The following ACOT1 variants were observed in gnomAD, a reference collection of about 807,000 sequenced individuals.
ACOT1 encodes the protein acyl-coenzyme A thioesterase 1.
Under a neutral mutation model 15.7 loss-of-function variants are expected in ACOT1, and 8 were observed. The ratio of observed to expected loss-of-function variants is 0.51; its 90% CI spans 0.30 to 0.92. ACOT1 has a LOEUF of 0.92. Among genes scored for constraint, ACOT1 ranks in the 40% least tolerant of loss-of-function variants. ACOT1 has a pLI of 0.06. For missense variants in ACOT1, 151 were observed against 539.4 expected (o/e 0.28, Z 7.13); for synonymous variants, 67 against 241.2 (o/e 0.28, Z 6.69).
At chr14:73,522,827 C>T in the ACOT1 span, 1 of 1,614,088 alleles carries the variant, frequency 6.2e-7, no homozygotes, top group South Asian at 1.1e-5. Flanking sequence ...CCGGGCCTTC[C>T]TGATCTGGGG....
the ACOT1 span, among the ~76,000 whole-genome samples, chr14:73,513,207 C>G: frequency 2.6e-5 from 4 of 152,184 alleles, no homozygotes; most frequent in Non-Finnish European, 5.9e-5. Flanking sequence ...GCTTGTAATC[C>G]CAGCACTTTG....
At chr14:73,492,737 T>C in the ACOT1 span, 14 of 1,613,924 alleles carry the variant, frequency 8.7e-6, no homozygotes, top group East Asian at 2.9e-4. The surrounding 1 kb of genome is among the most constrained non-coding windows in gnomAD (Gnocchi z 4.9). Context: ...AGTGGAAAAC[T>C]CCCGTGTGTA....
chr14:73,518,903 G>A, the ACOT1 span: 1 of 923,670 alleles, frequency 1.1e-6, no homozygotes, highest in Non-Finnish European at 1.6e-6. Flanking sequence ...GGATTGCCTA[G>A]ATGCTAATGG....
At chr14:73,522,482 C>G in the ACOT1 span, 2 of 1,614,080 alleles carry the variant, frequency 1.2e-6, no homozygotes, top group Admixed American at 3.3e-5. Flanking sequence ...CCCAGGCCTT[C>G]GAGGACGCTT....
the ACOT1 span, among the ~76,000 whole-genome samples, chr14:73,510,588 A>C: frequency 6.6e-6 from 1 of 152,088 alleles, no homozygotes; most frequent in African/African-American, 2.4e-5. Flanking sequence ...GGCACCTGTC[A>C]CCACGCCTGG....
chr14:73,506,804 G>GTTTTTTTTTTTTTTTTTATTTTTTTTT, the ACOT1 span, among the ~76,000 whole-genome samples: 1 of 80,522 alleles, frequency 1.2e-5, no homozygotes, highest in Non-Finnish European at 2.2e-5. Context: ...GACTTTAACT[G>GTTTTTTTTTTTTTTTTTATTTTTTTTT]TTTTTTTTTT....
chr14:73,511,151 A>C, the ACOT1 span, among the ~76,000 whole-genome samples: 1 of 152,166 alleles, frequency 6.6e-6, no homozygotes, highest in Non-Finnish European at 1.5e-5. Flanking sequence ...TTTTATAGAT[A>C]GGTAATTTGA....
chr14:73,497,070 A>G, the ACOT1 span, among the ~76,000 whole-genome samples: 1 of 152,010 alleles, frequency 6.6e-6, no homozygotes, highest in Non-Finnish European at 1.5e-5. Flanking sequence ...TAGTTTTTGT[A>G]TTTTTAGTAG....
At chr14:73,535,469 C>CTTTTTTTTTTTTTT (rs869167008), upstream of ACOT1, among the ~76,000 whole-genome samples, 16 of 16,528 alleles carry the variant, frequency 9.7e-4, 1 homozygote, top group Non-Finnish European at 2.8e-3. Flanking sequence ...TTTCTTCTTT[C>CTTTTTTTTTTTTTT]TTTTTTTTTT....
the ACOT1 span, among the ~76,000 whole-genome samples, chr14:73,527,961 CAAAA>C: frequency 1.9e-4 from 10 of 52,690 alleles, no homozygotes; most frequent in South Asian, 7.5e-4. Flanking sequence ...AACTCCATCT[CAAAA>C]AAAAAAAAAA....
At chr14:73,518,704 C>T in the ACOT1 span, among the ~76,000 whole-genome samples, 6 of 152,094 alleles carry the variant, frequency 3.9e-5, no homozygotes, top group Non-Finnish European at 7.4e-5. Context: ...GATGCACTTT[C>T]CCTGTTAGGT....
At chr14:73,530,918 C>T in the ACOT1 span, 1 of 100,526 alleles carries the variant, frequency 9.9e-6, no homozygotes, top group Non-Finnish European at 2.1e-5. Flanking sequence ...GGAATACAGG[C>T]ATGAGCCACT....
At chr14:73,492,565 T>TA in the ACOT1 span, 1 of 1,613,792 alleles carries the variant, frequency 6.2e-7, no homozygotes, top group Non-Finnish European at 8.5e-7. This position sits in a 1 kb window ranked among gnomAD's most constrained non-coding sequence, Gnocchi z 4.9. Flanking sequence ...TTTTGACTGA[T>TA]AGGGAGAGGG....
chr14:73,496,586 C>T, the ACOT1 span: 1 of 1,548,514 alleles, frequency 6.5e-7, no homozygotes, highest in Non-Finnish European at 8.9e-7. Flanking sequence ...GAGAACAGAG[C>T]TTGCACTTAT....
At chr14:73,505,772 T>G in the ACOT1 span, among the ~76,000 whole-genome samples, 1 of 152,058 alleles carries the variant, frequency 6.6e-6, no homozygotes, top group South Asian at 2.1e-4. Flanking sequence ...TTGGGTAGTC[T>G]AAGTCAGTGC....
At chr14:73,496,814 T>C in the ACOT1 span, 2 of 614,812 alleles carry the variant, frequency 3.3e-6, no homozygotes, top group Non-Finnish European at 5.8e-6. Context: ...CTGAGCCTTA[T>C]ATGCAAAAAT....
chr14:73,535,532 C>A (rs868089797), upstream of ACOT1, among the ~76,000 whole-genome samples: 34 of 83,984 alleles, frequency 4.0e-4, 5 homozygotes, highest in African/African-American at 1.3e-3. Flanking sequence ...GCAGTGGCGC[C>A]ATCTTGGCTC....
chr14:73,529,400 G>T, the ACOT1 span, among the ~76,000 whole-genome samples: 1 of 149,424 alleles, frequency 6.7e-6, no homozygotes, highest in Non-Finnish European at 1.5e-5. Context: ...TGGCATAACT[G>T]CAGACCAGGC....
the ACOT1 span, among the ~76,000 whole-genome samples, chr14:73,528,376 G>A: frequency 8.9e-6 from 1 of 112,064 alleles, no homozygotes; most frequent in Non-Finnish European, 1.7e-5. Flanking sequence ...TGGACGACAA[G>A]AGCGAAACTT....
Sources: allele counts gnomAD v4.1 joint callset (sites outside exome capture counted in the v4.1 genomes callset), GRCh38; gene constraint gnomAD v4.1.1; non-coding constraint Gnocchi (gnomAD v3.1); transcripts MANE v1.5; gene names NCBI Gene and HGNC (gene_info 2026-07-23, HGNC 2026-07-21).